Variants in CDKAL1 observed in about 807,000 individuals in gnomAD.
CDKAL1 encodes the protein threonylcarbamoyladenosine tRNA methylthiotransferase.
A neutral mutation model predicts 68.2 loss-of-function variants in CDKAL1; 32 were observed. That is an observed-to-expected ratio of 0.47 (90% CI 0.35 to 0.63). CDKAL1 has a LOEUF of 0.63. Ranked by LOEUF, CDKAL1 falls within the 30% of genes least tolerant of loss-of-function variation. The probability of loss-of-function intolerance (pLI) is 0.00; values close to 1 mark genes in which losing one functional copy is unlikely to be tolerated. For missense variants in CDKAL1, 606 were observed against 696.7 expected, an observed-to-expected ratio of 0.87 and a Z score of 1.47; for synonymous variants, 234 against 244.3, an observed-to-expected ratio of 0.96 and a Z score of 0.39.
chr6:21,103,570 T>C (rs1485956972), intron 12 of CDKAL1, among the ~76,000 whole-genome samples: 2 of 152,182 alleles, frequency 1.3e-5, no homozygotes, highest in Non-Finnish European at 2.9e-5. Context: ...CAAACATGCA[T>C]ACTGCCTCAT....
At chr6:20,619,674 A>T (rs1767088919) in intron 4 of CDKAL1, among the ~76,000 whole-genome samples, 1 of 152,100 alleles carries the variant, frequency 6.6e-6, no homozygotes, top group Admixed American at 6.6e-5. Context: ...TCAACCCCTT[A>T]ATTTTCTCCA....
intron 4 of CDKAL1, among the ~76,000 whole-genome samples, chr6:20,581,361 A>T (rs1239510602): frequency 1.3e-5 from 2 of 152,202 alleles, no homozygotes; most frequent in African/African-American, 4.8e-5. Context: ...AGTGTAAAAG[A>T]TACTGAGTTA....
intron 10 of CDKAL1, among the ~76,000 whole-genome samples, chr6:20,967,875 TA>T (rs1765398652): frequency 1.3e-5 from 2 of 152,220 alleles, no homozygotes; most frequent in Admixed American, 1.3e-4. Flanking sequence ...CTTCTCTGGA[TA>T]CAGAATTCCT....
At chr6:20,934,882 C>T in intron 9 of CDKAL1, among the ~76,000 whole-genome samples, 1 of 149,160 alleles carries the variant, frequency 6.7e-6, no homozygotes, top group Admixed American at 6.8e-5. Context: ...TACTTAATTA[C>T]TTAATTCCGC....
chr6:20,657,696 G>A (rs551432991), intron 5 of CDKAL1, among the ~76,000 whole-genome samples: 12 of 151,972 alleles, frequency 7.9e-5, no homozygotes, highest in East Asian at 1.9e-4. Context: ...TTATTTTGTC[G>A]TTTGTTTTGG....
At chr6:20,656,448 G>A (rs1769028944) in intron 5 of CDKAL1, among the ~76,000 whole-genome samples, 1 of 151,848 alleles carries the variant, frequency 6.6e-6, no homozygotes, top group Non-Finnish European at 1.5e-5. Flanking sequence ...GCAGAGAATG[G>A]TATTCACCAG....
intron 4 of CDKAL1, among the ~76,000 whole-genome samples, chr6:20,642,899 AAACAACAACAACAACAAC>A (rs79933332): frequency 0.41 from 60,948 of 150,320 alleles, 12,556 homozygotes; most frequent in Admixed American, 0.48. Context: ...ACTTTGTCTC[AAACAACAACAACAACAAC>A]AACAACAACA....
At chr6:20,779,435 GT>G (rs1775317385) in intron 7 of CDKAL1, among the ~76,000 whole-genome samples, 1 of 152,186 alleles carries the variant, frequency 6.6e-6, no homozygotes, top group Admixed American at 6.5e-5. Flanking sequence ...TATTTGGTAT[GT>G]GAATAGAGAT....
intron 9 of CDKAL1, among the ~76,000 whole-genome samples, chr6:20,946,522 G>A (rs78721925): frequency 0.044 from 6,693 of 151,818 alleles, 478 homozygotes; most frequent in African/African-American, 0.15. Context: ...GAGCCAATAC[G>A]GCTGGCCTTT....
intron 12 of CDKAL1, among the ~76,000 whole-genome samples, chr6:21,067,069 C>G (rs1771492158): frequency 6.6e-6 from 1 of 152,116 alleles, no homozygotes; most frequent in Non-Finnish European, 1.5e-5. Context: ...AGCTTTTGTA[C>G]TGTACCTACA....
At chr6:20,613,904 T>C (rs186870851) in intron 4 of CDKAL1, among the ~76,000 whole-genome samples, 22 of 152,284 alleles carry the variant, frequency 1.4e-4, no homozygotes, top group African/African-American at 5.1e-4. Context: ...GTAGAGATTA[T>C]ATTAATTTAT....
intron 4 of CDKAL1, among the ~76,000 whole-genome samples, chr6:20,611,369 G>A (rs1156860389): frequency 6.6e-6 from 1 of 152,140 alleles, no homozygotes; most frequent in Admixed American, 6.6e-5. Flanking sequence ...TTTGTGCAGT[G>A]ATCCACCTGC....
At chr6:20,907,078 G>A (rs1025074738) in intron 9 of CDKAL1, among the ~76,000 whole-genome samples, 1 of 152,186 alleles carries the variant, frequency 6.6e-6, no homozygotes, top group African/African-American at 2.4e-5. Context: ...GAGAGTAGAC[G>A]GAATTGGGGA....
intron 13 of CDKAL1, among the ~76,000 whole-genome samples, chr6:21,144,026 ATG>A (rs1389813405): frequency 6.6e-6 from 1 of 152,048 alleles, no homozygotes; most frequent in Admixed American, 6.5e-5. Context: ...TTTAGTAGGT[ATG>A]TTATATTCAG....
intron 4 of CDKAL1, among the ~76,000 whole-genome samples, chr6:20,647,855 G>T (rs986581153): frequency 1.3e-5 from 2 of 151,976 alleles, no homozygotes; most frequent in African/African-American, 4.8e-5. Flanking sequence ...GGTTAGCAAG[G>T]ATCATAGTAT....
chr6:20,634,894 T>A (rs1767830095), intron 4 of CDKAL1, among the ~76,000 whole-genome samples: 1 of 150,648 alleles, frequency 6.6e-6, no homozygotes, highest in South Asian at 2.1e-4. Flanking sequence ...GGAGAATCGC[T>A]TGAACCTGGG....
chr6:20,594,985 G>A (rs904396282), intron 4 of CDKAL1, among the ~76,000 whole-genome samples: 6 of 152,162 alleles, frequency 3.9e-5, no homozygotes, highest in African/African-American at 9.7e-5. Context: ...CTTTAAGAAT[G>A]TTGAATATTG....
At chr6:20,675,738 C>A (rs1489467420) in intron 5 of CDKAL1, among the ~76,000 whole-genome samples, 1 of 151,968 alleles carries the variant, frequency 6.6e-6, no homozygotes, top group Non-Finnish European at 1.5e-5. Flanking sequence ...CTGGTTTATG[C>A]ACTTAATATG....
chr6:21,036,557 G>A (rs1435971424), intron 11 of CDKAL1, among the ~76,000 whole-genome samples: 1 of 152,124 alleles, frequency 6.6e-6, no homozygotes, highest in Non-Finnish European at 1.5e-5. Context: ...AGTGTCTACC[G>A]ATGAATAACA....
Sources: gnomAD v4.1 joint callset for allele counts (sites outside exome capture counted in the v4.1 genomes callset) on GRCh38, gnomAD v4.1.1 for gene constraint, MANE v1.5 for transcripts, NCBI Gene and HGNC (gene_info 2026-07-23, HGNC 2026-07-21) for gene names.